RCOR1: variants seen among roughly 807,000 people sequenced by gnomAD.
RCOR1 encodes REST corepressor 1.
A neutral mutation model predicts 64.0 loss-of-function variants in RCOR1; 12 were observed. The ratio of observed to expected loss-of-function variants is 0.19; its 90% CI spans 0.12 to 0.30. RCOR1 has a LOEUF of 0.30. RCOR1 is among the 10% of genes least tolerant of loss of function. The probability of loss-of-function intolerance (pLI) is 1.00; values close to 1 mark genes in which losing one functional copy is unlikely to be tolerated. For synonymous variants in RCOR1, 279 were observed against 227.2 expected (o/e 1.23, Z -2.05); for missense variants, 502 against 621.2 (o/e 0.81, Z 2.04).
rs565124715 is a variant in RCOR1 at position 102,609,314 on chromosome 14, A to T, written c.361+15989A>T. ...TGCCTCGGCCTCTCAAAGTGCTGGG[A>T]TTACAGATGTGAGCCACTGTGCCTG... On this transcript the variant is annotated intron_variant, in intron 2 of 11. Coordinates refer to ENST00000262241, the MANE Select transcript of RCOR1 (RefSeq NM_015156.4). Among the ~76,000 whole-genome samples, 4 of 152,134 alleles carry T rather than the reference A, an allele frequency of 2.6e-5. No homozygotes were observed. In the South Asian group the frequency reaches 6.2e-4, roughly 24 times the overall value.
chr14:102,636,979 C>T (rs1894254274), intron 2 of RCOR1, among the ~76,000 whole-genome samples: 2 of 149,944 alleles, frequency 1.3e-5, no homozygotes, highest in African/African-American at 2.4e-5. Context: ...TTCAAAAAAA[C>T]AAAACAAAAC....
intron 2 of RCOR1, among the ~76,000 whole-genome samples, chr14:102,615,025 G>A: frequency 6.6e-6 from 1 of 152,012 alleles, no homozygotes; most frequent in East Asian, 1.9e-4. Context: ...TAGAGACGGG[G>A]TTTCACCATG....
chr14:102,668,571 T>G (rs988269137), intron 2 of RCOR1, among the ~76,000 whole-genome samples: 7 of 152,184 alleles, frequency 4.6e-5, no homozygotes, highest in Non-Finnish European at 7.3e-5. Flanking sequence ...CTGTCTGTCT[T>G]CTCTCCCTGT....
chr14:102,632,076 C>G (rs1894123649), intron 2 of RCOR1, among the ~76,000 whole-genome samples: 1 of 150,876 alleles, frequency 6.6e-6, no homozygotes, highest in Non-Finnish European at 1.5e-5. Flanking sequence ...TCCCAAAGTG[C>G]TGGGATTACA....
intron 1 of RCOR1, 38 bp from the exon 2 acceptor site, chr14:102,593,228 C>G (rs753977488): frequency 2.9e-5 from 43 of 1,482,218 alleles, no homozygotes; most frequent in East Asian, 1.4e-4. Context: ...CCCCGCGCCC[C>G]GCGCCGCGCT....
intron 2 of RCOR1, among the ~76,000 whole-genome samples, chr14:102,653,992 T>C (rs1403720173): frequency 8.3e-6 from 1 of 120,592 alleles, no homozygotes; most frequent in Non-Finnish European, 1.7e-5. Context: ...TCTTTTTTTT[T>C]TTTTTTTTTT....
chr14:102,669,147 T>C (rs181035146), intron 2 of RCOR1, among the ~76,000 whole-genome samples: 2 of 152,160 alleles, frequency 1.3e-5, no homozygotes, highest in East Asian at 3.9e-4. Flanking sequence ...CTGTCTCTAC[T>C]AAAAATACAA....
intron 2 of RCOR1, among the ~76,000 whole-genome samples, chr14:102,629,687 C>G (rs928941355): frequency 6.6e-6 from 1 of 152,096 alleles, no homozygotes; most frequent in Non-Finnish European, 1.5e-5. Flanking sequence ...TGAGCTGATA[C>G]AATTCTGAAG....
intron 2 of RCOR1, among the ~76,000 whole-genome samples, chr14:102,641,248 G>A (rs1037683287): frequency 1.3e-5 from 2 of 149,876 alleles, no homozygotes; most frequent in African/African-American, 2.5e-5. Context: ...AGTGAGACTC[G>A]GCCTTAAAAA....
intron 3 of RCOR1, among the ~76,000 whole-genome samples, chr14:102,700,405 A>G (rs149836807): frequency 0.012 from 1,864 of 152,238 alleles, 22 homozygotes; most frequent in Middle Eastern, 0.031. Context: ...TATTTTTAGT[A>G]GAGATGGGGT....
At chr14:102,660,287 G>A (rs1290788658) in intron 2 of RCOR1, among the ~76,000 whole-genome samples, 1 of 152,034 alleles carries the variant, frequency 6.6e-6, no homozygotes, top group African/African-American at 2.4e-5. Flanking sequence ...CTTGTGGTTT[G>A]AATGGGTTTT....
intron 2 of RCOR1, among the ~76,000 whole-genome samples, chr14:102,677,305 T>C (rs1895199512): frequency 1.1e-5 from 1 of 87,732 alleles, no homozygotes; most frequent in African/African-American, 5.8e-5. Context: ...GCCCCTCACC[T>C]CCCGGACGGG....
intron 2 of RCOR1, among the ~76,000 whole-genome samples, chr14:102,654,137 C>T (rs772267548): frequency 2.4e-4 from 36 of 151,620 alleles, no homozygotes; most frequent in Non-Finnish European, 4.0e-4. Flanking sequence ...AGGTGCCTGC[C>T]ACCACGCCTG....
intron 2 of RCOR1, among the ~76,000 whole-genome samples, chr14:102,614,223 T>G (rs1044317238): frequency 9.2e-6 from 1 of 108,962 alleles, no homozygotes; most frequent in African/African-American, 3.4e-5. Flanking sequence ...AACATCTGGC[T>G]CTTTTTTTTT....
intron 2 of RCOR1, chr14:102,657,217 G>T (rs1894745046): frequency 2.0e-6 from 2 of 985,152 alleles, no homozygotes; most frequent in African/African-American, 3.5e-5. Context: ...TCACGGTGCT[G>T]GATATGGATG....
At chr14:102,645,960 A>G (rs1047148817) in intron 2 of RCOR1, among the ~76,000 whole-genome samples, 1 of 151,450 alleles carries the variant, frequency 6.6e-6, no homozygotes, top group African/African-American at 2.5e-5. Context: ...GTCCAAATGT[A>G]TGTCCTGTGG....
intron 7 of RCOR1, among the ~76,000 whole-genome samples, chr14:102,711,377 C>T (rs1237396233): frequency 6.6e-6 from 1 of 152,224 alleles, no homozygotes; most frequent in African/African-American, 2.4e-5. Context: ...AGCGTCTGCC[C>T]ATCCTAGGCA....
chr14:102,629,179 C>T (rs1003024173), intron 2 of RCOR1, among the ~76,000 whole-genome samples: 32 of 152,182 alleles, frequency 2.1e-4, no homozygotes, highest in African/African-American at 7.7e-4. Flanking sequence ...TCCTCCCCAT[C>T]CACATAGCCC....
In RCOR1 at chr14:102,593,292, C is replaced by G; in HGVS notation, c.328C>G (p.Gln110Glu). 6.5e-7 allele frequency: 1 copy of G among 1,548,746 alleles called. No individual in the cohort carries two copies. Among genetic ancestry groups the G allele is most frequent in the Non-Finnish European group, 8.7e-7 (1 of 1,153,498 alleles). ...TGGCGGTGGCATGAGGGTCGGACCCCAGTACCAGGCGGTGGTGCCCGACTT... is the reference window on the plus strand; with the variant it reads ...TGGCGGTGGCATGAGGGTCGGACCCGAGTACCAGGCGGTGGTGCCCGACTT... ...HGGGGMRVGP[Q>E]YQAVVPDFDP... The change falls in exon 2 of 12, where the codon CAG becomes GAG. Residue 110 changes from glutamine to glutamate, a missense_variant. Gln to Glu is a conservative substitution (Grantham distance 29). Around this residue, in one of 2 missense-constraint regions of RCOR1, gnomAD observed 242 missense variants for 204.9 expected, o/e 1.18. Coordinates refer to ENST00000262241, the MANE Select transcript of RCOR1 (RefSeq NM_015156.4).
Sources: allele counts gnomAD v4.1 joint callset (sites outside exome capture counted in the v4.1 genomes callset), GRCh38; gene constraint gnomAD v4.1.1; regional missense constraint gnomAD v4.1.1; transcripts MANE v1.5; gene names NCBI Gene and HGNC (gene_info 2026-07-23, HGNC 2026-07-21).